The following GBF1 variants were observed in gnomAD, a reference collection of about 807,000 sequenced individuals.
The protein encoded by GBF1 is Golgi-specific brefeldin A-resistance guanine nucleotide exchange factor 1.
A neutral mutation model predicts 210.5 loss-of-function variants in GBF1; 114 were observed. The ratio of observed to expected loss-of-function variants is 0.54; its 90% CI spans 0.47 to 0.63. GBF1 has a LOEUF of 0.63. Among genes scored for constraint, GBF1 ranks in the 30% least tolerant of loss-of-function variants. The pLI is 0.00. For synonymous variants in GBF1, 850 were observed against 889.2 expected, an observed-to-expected ratio of 0.96 and a Z score of 0.78; for missense variants, 1,851 against 2,357.7, an observed-to-expected ratio of 0.79 and a Z score of 4.45.
rs377647711 is a variant in GBF1 at position 102,382,262 on chromosome 10, G to A, written c.5509G>A (p.Glu1837Lys). ...LPIILNPALI[E>K]ATSPVPLLAT... ...CATCATCCTCAACCCTGCGCTCATC[G>A]AGGCCACCTCACCAGTGCCCCTCCT... Residue 1837 changes from glutamate (E) to lysine (K), a missense_variant, in exon 40 of 40, where the codon GAG becomes AAG. Coordinates refer to ENST00000369983, the MANE Select transcript of GBF1 (RefSeq NM_001377137.1). The A allele has an allele frequency of 9.2e-5, 149 of 1,613,810 alleles. No homozygotes were observed. The highest frequency in any genetic ancestry group is 1.2e-4 in the Non-Finnish European group (137 of 1,179,920).
intron 17 of GBF1, among the ~76,000 whole-genome samples, chr10:102,364,362 C>A (rs986672146): frequency 6.7e-6 from 1 of 150,340 alleles, no homozygotes; most frequent in Non-Finnish European, 1.5e-5. Flanking sequence ...GTAGCTGGGA[C>A]TACAGGCGTG....
chr10:102,380,332 G>T lies in GBF1; in HGVS notation c.4962G>T (p.Lys1654Asn). 6.2e-7 allele frequency: 1 copy of T among 1,613,684 alleles called. No individual in the cohort carries two copies. Among genetic ancestry groups the T allele is most frequent in the South Asian group, 1.1e-5 (1 of 91,074 alleles). ...TCACCATCTTGGACTTCATGGACAA[G>T]TACATGCACGCAGGCTCCAGCGACT... ...LWLTILDFMD[K>N]YMHAGSSDLL... The change falls in exon 37 of 40, where the codon AAG (lysine) becomes AAT (asparagine). Residue 1654 changes from lysine (K) to asparagine (N), a missense_variant. Coordinates refer to ENST00000369983, the MANE Select transcript of GBF1 (RefSeq NM_001377137.1).
At chr10:102,368,193 T>G (rs375699353) in intron 21 of GBF1, 25 bp from the exon 22 acceptor site, 1 of 1,503,070 alleles carries the variant, frequency 6.7e-7, no homozygotes, top group African/African-American at 1.4e-5. Context: ...GCAGTGCAAC[T>G]GCTCCTTCCC....
At position 102,261,748 on chromosome 10, in the gene GBF1, A is replaced by G. The variant is rs141610083; in HGVS notation, c.163+1632A>G. On this transcript the variant is annotated intron_variant, in intron 3 of 39. Coordinates refer to ENST00000369983, the MANE Select transcript of GBF1 (RefSeq NM_001377137.1). ...GCGATTTTCGTGCCTCAGCCTCCCA[A>G]GTAGCTGGGATTACAGACGTGCACC... 1.4e-3 allele frequency among the ~76,000 whole-genome samples: 212 copies of G among 151,606 alleles called. 1 individual carries two copies. In the Middle Eastern group the frequency reaches 0.024, roughly 17 times the overall value.
At chr10:102,249,313 G>T (rs2071212086) in intron 1 of GBF1, among the ~76,000 whole-genome samples, 1 of 152,200 alleles carries the variant, frequency 6.6e-6, no homozygotes, top group South Asian at 2.1e-4. Context: ...GAGTGAGATA[G>T]AGAAGGTTTG....
chr10:102,376,709 C>T lies in GBF1; in HGVS notation c.4197C>T (p.Phe1399=), dbSNP rs762502511. The change falls in exon 32 of 40, where the codon TTC becomes TTT. Residue 1399 remains phenylalanine, a synonymous_variant. Coordinates refer to ENST00000369983, the MANE Select transcript of GBF1 (RefSeq NM_001377137.1). The part of the protein sequence containing the change: ...SLLKCVESLS[F]IVRDAAHITP... ...TTAAGTGTGTGGAATCGCTGTCCTT[C>T]ATTGTGCGTGATGCTGCCCACATCA... 3.7e-6 allele frequency: 6 copies of T among 1,613,300 alleles called. No individual in the cohort carries two copies. In the South Asian group the frequency reaches 4.4e-5, roughly 12 times the overall value.
At chr10:102,261,612 T>A (rs2073228086) in intron 3 of GBF1, among the ~76,000 whole-genome samples, 1 of 126,604 alleles carries the variant, frequency 7.9e-6, no homozygotes, top group South Asian at 2.4e-4. Context: ...TCTTTCTTTC[T>A]TTCTTTTTTT....
chr10:102,260,476 C>CTTTTTTTTTTTTT (rs60452124), intron 3 of GBF1, among the ~76,000 whole-genome samples: 3 of 72,434 alleles, frequency 4.1e-5, no homozygotes, highest in Non-Finnish European at 7.1e-5. Flanking sequence ...TTCCTTTCTT[C>CTTTTTTTTTTTTT]TTTTTTTTTT....
intron 1 of GBF1, among the ~76,000 whole-genome samples, chr10:102,256,321 T>G (rs1480520317): frequency 6.6e-6 from 1 of 152,086 alleles, no homozygotes; most frequent in African/African-American, 2.4e-5. Context: ...TTGGGGGGCC[T>G]CATCTTATGC....
At chr10:102,248,218 A>G (rs2071072733) in intron 1 of GBF1, among the ~76,000 whole-genome samples, 1 of 151,254 alleles carries the variant, frequency 6.6e-6, no homozygotes, top group African/African-American at 2.4e-5. Context: ...TTTTGTTGAC[A>G]TTTTATCCTC....
Position 102,245,617 on chromosome 10 carries a change from C to T in GBF1, c.-175C>T, listed in dbSNP as rs2296888. ...CTCATCCTGGCGGACTGTGCAGTCC[C>T]ACCCTGACTTCGGCCTCAATTTCCA... On this transcript the variant is annotated 5_prime_UTR_variant, in exon 1 of 40. Coordinates refer to ENST00000369983, the MANE Select transcript of GBF1 (RefSeq NM_001377137.1). 6.6e-6 allele frequency: 1 copy of T among 152,254 alleles called. No individual in the cohort carries two copies. The highest frequency in any genetic ancestry group is 2.4e-5 in the African/African-American group (1 of 41,464). The allele number at this position is 152,254 out of a possible 1,614,324, so 9.4% of individuals were successfully genotyped here.
intron 3 of GBF1, among the ~76,000 whole-genome samples, chr10:102,263,912 G>C (rs904446408): frequency 3.3e-5 from 5 of 152,174 alleles, no homozygotes; most frequent in Admixed American, 6.5e-5. Flanking sequence ...CTTGACTGCT[G>C]TCCCTCATTT....
In GBF1 at chr10:102,366,651, G is replaced by A. The variant is rs1424360739; in HGVS notation, c.2433+145G>A. Reference sequence around the variant, plus strand: ...ACCCAGGCTGGAGTGCAGTAGCGCAGTCTCAGCACACTGCAACCTCCACCC... The same window carrying A: ...ACCCAGGCTGGAGTGCAGTAGCGCAATCTCAGCACACTGCAACCTCCACCC... On this transcript the variant is annotated intron_variant, in intron 19 of 39. Coordinates refer to ENST00000369983, the MANE Select transcript of GBF1 (RefSeq NM_001377137.1). This position sits in a 1 kb window ranked among gnomAD's most constrained non-coding sequence, Gnocchi z 4.0. 18 of 710,754 alleles carry A rather than the reference G, an allele frequency of 2.5e-5. No homozygotes were observed. Among genetic ancestry groups the A allele is most frequent in the African/African-American group, 3.7e-5 (2 of 54,406 alleles). 44.0% of individuals were successfully genotyped at this position (710,754 alleles called of 1,614,324 possible). A position where few individuals can be genotyped will look rare whatever the true frequency, so the allele number is the denominator to read the frequency against.
Position 102,248,789 on chromosome 10 carries a change from C to T in GBF1, c.-11+3008C>T, listed in dbSNP as rs551376199. ...AGCGGGGAACACAGATGTGCGCCAT[C>T]ATGCCCAGCTAATTTTTTAATATTT... On this transcript the variant is annotated intron_variant, in intron 1 of 39. Coordinates refer to ENST00000369983, the MANE Select transcript of GBF1 (RefSeq NM_001377137.1). Among the ~76,000 whole-genome samples the T allele has an allele frequency of 6.6e-5, 10 of 152,260 alleles. No homozygotes were observed. The East Asian group carries it at 1.9e-3, about 29-fold the overall frequency.
chr10:102,242,928 C>CAAAAAAAAAAA (rs58301527), upstream of GBF1, among the ~76,000 whole-genome samples: 2 of 132,422 alleles, frequency 1.5e-5, no homozygotes, highest in African/African-American at 5.8e-5. Context: ...GACTCTGTCT[C>CAAAAAAAAAAA]AAAAAAAAAA....
At chr10:102,329,801 A>G (rs1445914769) in intron 3 of GBF1, among the ~76,000 whole-genome samples, 3 of 151,638 alleles carry the variant, frequency 2.0e-5, no homozygotes, top group East Asian at 1.9e-4. Flanking sequence ...TGCAGTTAAT[A>G]TATCTAGTAG....
chr10:102,314,806 A>G (rs2078793216), intron 3 of GBF1, among the ~76,000 whole-genome samples: 1 of 152,088 alleles, frequency 6.6e-6, no homozygotes, highest in African/African-American at 2.4e-5. Context: ...TTGCTCTTTC[A>G]GCAGAGATGG....
intron 3 of GBF1, among the ~76,000 whole-genome samples, chr10:102,279,796 G>A (rs575237457): frequency 1.2e-4 from 18 of 152,242 alleles, no homozygotes; most frequent in African/African-American, 4.1e-4. Flanking sequence ...ACTAATGAAT[G>A]CCTTATCAGC....
chr10:102,377,739 C>T (rs904101812), intron 33 of GBF1, among the ~76,000 whole-genome samples: 2 of 152,108 alleles, frequency 1.3e-5, no homozygotes, highest in East Asian at 3.9e-4. Flanking sequence ...ACTAAGTTTC[C>T]AATCCATTCC....
Sources: allele counts gnomAD v4.1 joint callset (sites outside exome capture counted in the v4.1 genomes callset), GRCh38; gene constraint gnomAD v4.1.1; non-coding constraint Gnocchi (gnomAD v3.1); transcripts MANE v1.5; gene names NCBI Gene and HGNC (gene_info 2026-07-23, HGNC 2026-07-21).